The following SETX variants were observed in gnomAD, a reference collection of about 807,000 sequenced individuals.
SETX encodes the protein helicase senataxin.
Under a neutral mutation model 227.2 loss-of-function variants are expected in SETX, and 90 were observed. That is an observed-to-expected ratio of 0.40 (90% CI 0.33 to 0.47). SETX has a LOEUF of 0.47. Ranked by LOEUF, SETX falls within the 20% of genes least tolerant of loss-of-function variation. The pLI, the probability that SETX is intolerant of heterozygous loss-of-function variation, is 0.91. For synonymous variants in SETX, 1,210 were observed against 1,113.2 expected (o/e 1.09, Z -1.73); for missense variants, 3,052 against 3,181.5 (o/e 0.96, Z 0.98).
chr9:132,287,301 T>C (rs921423152), intron 17 of SETX, among the ~76,000 whole-genome samples: 3 of 152,046 alleles, frequency 2.0e-5, no homozygotes, highest in Non-Finnish European at 4.4e-5. Context: ...CTGGGCAACA[T>C]GGCAAGACCC....
rs144133910 is a variant in SETX at position 132,338,248 on chromosome 9, C to T, written c.499-1733G>A. Among the ~76,000 whole-genome samples, 71 of 152,072 alleles carry T rather than the reference C, an allele frequency of 4.7e-4. No individual in the cohort carries two copies. In the East Asian group the frequency reaches 5.4e-3, roughly 12 times the overall value. On this transcript the variant is annotated intron_variant, in intron 5 of 25. Coordinates refer to ENST00000224140, the MANE Select transcript of SETX (RefSeq NM_015046.7). ...CTGGGATTACAAGGGTGCACCACCA[C>T]GCCCGGCTAACTTTTGTTATTTTTA...
chr9:132,275,179 C>T, intron 23 of SETX, 77 bp downstream of exon 23: 3 of 1,499,458 alleles, frequency 2.0e-6, no homozygotes, highest in Non-Finnish European at 2.8e-6. Context: ...TTAAGAGTTT[C>T]CCTTTTCTTC....
chr9:132,325,476 C>G (rs1430110964), intron 10 of SETX, among the ~76,000 whole-genome samples: 1 of 152,250 alleles, frequency 6.6e-6, no homozygotes, highest in African/African-American at 2.4e-5. Context: ...AAGAAAACTA[C>G]AGCAGAGGTC....
chr9:132,296,829 CAAGTA>C (rs1844699886), intron 14 of SETX, 53 bp downstream of exon 14: 2 of 1,503,766 alleles, frequency 1.3e-6, no homozygotes, highest in Non-Finnish European at 1.9e-6. Context: ...TCAGTTAACT[CAAGTA>C]AAGTAAAATG....
Position 132,269,791 on chromosome 9 carries a change from T to C in SETX, c.7200-89A>G, listed in dbSNP as rs1842807017. 8 of 1,279,192 alleles carry C rather than the reference T, an allele frequency of 6.3e-6. No individual in the cohort carries two copies. The East Asian group carries it at 1.9e-4, about 30-fold the overall frequency. 79.2% of individuals were successfully genotyped at this position (1,279,192 alleles called of 1,614,324 possible). A position where few individuals can be genotyped will look rare whatever the true frequency, so the allele number is the denominator to read the frequency against. ...AGGTGGACTCTAGAATGACTCAACG[T>C]GCCCGTGTCTGACAGAGGTGGAATC... On this transcript the variant is annotated intron_variant, in intron 24 of 25. Transcript: ENST00000224140.
chr9:132,292,114 T>C (rs115066066), intron 15 of SETX, among the ~76,000 whole-genome samples: 103 of 152,236 alleles, frequency 6.8e-4, no homozygotes, highest in African/African-American at 2.4e-3. Context: ...CCCCTAAGCC[T>C]GTGTCACATG....
chr9:132,337,434 CT>C (rs201473147), intron 5 of SETX, among the ~76,000 whole-genome samples: 22 of 7,004 alleles, frequency 3.1e-3, no homozygotes, highest in Non-Finnish European at 4.6e-3. Context: ...CACAACCAAC[CT>C]TAAAAAAAAA....
At chr9:132,313,402 T>C (rs1176629410) in intron 10 of SETX, among the ~76,000 whole-genome samples, 2 of 152,140 alleles carry the variant, frequency 1.3e-5, no homozygotes, top group African/African-American at 4.8e-5. Context: ...TTGAAATTAT[T>C]TGGGCCTAAT....
chr9:132,326,419 G>C lies in SETX; in HGVS notation c.5179C>G (p.Gln1727Glu). Residue 1727 changes from glutamine (Q) to glutamate (E), a missense_variant, in exon 10 of 26, where the codon CAG (glutamine) becomes GAG (glutamate). Physicochemically the swap from Gln to Glu is conservative, Grantham distance 29. Around this residue, in one of 10 missense-constraint regions of SETX, gnomAD observed 239 missense variants for 272.1 expected, o/e 0.88. Coordinates refer to ENST00000224140, the MANE Select transcript of SETX (RefSeq NM_015046.7). ...GQCGPPASLC[Q>E]SISRPVPVRF... ...ACAGGCACAGGTCTTGAGATGGACTGACAAAGACTTGCAGGGGGCCCACAC... is the reference window on the plus strand; with the variant it reads ...ACAGGCACAGGTCTTGAGATGGACTCACAAAGACTTGCAGGGGGCCCACAC... The C allele has an allele frequency of 6.2e-7, 1 of 1,614,068 alleles. No individual in the cohort carries two copies.
intron 25 of SETX, 125 bp from the exon 26 acceptor site, chr9:132,265,110 C>T (rs1284545427): frequency 1.8e-6 from 2 of 1,139,760 alleles, no homozygotes; most frequent in African/African-American, 3.1e-5. Context: ...TCTCAAGATT[C>T]ATTACTCGTC....
intron 7 of SETX, among the ~76,000 whole-genome samples, chr9:132,331,813 T>C (rs1025753608): frequency 6.6e-5 from 10 of 152,102 alleles, no homozygotes; most frequent in Admixed American, 1.3e-4. Flanking sequence ...TGCCAAAACT[T>C]TGTAGTCCCA....
At chr9:132,302,064 C>T (rs1589680819) in intron 11 of SETX, among the ~76,000 whole-genome samples, 1 of 152,290 alleles carries the variant, frequency 6.6e-6, no homozygotes, top group Non-Finnish European at 1.5e-5. Context: ...AGTAAAAATA[C>T]CAGCAGATGG....
In SETX at chr9:132,329,065, G is replaced by T; in HGVS notation, c.2533C>A (p.Pro845Thr). ...TTCTTATCATCCAGAACACCACTAG[G>T]GTCTAAAGAAAGATTGTGTATGAAA... is the stretch of plus-strand genomic sequence containing the variant. ...DGFIHNLSLD[P>T]SGVLDDKNGE... The change falls in exon 10 of 26, where the codon CCT (proline) becomes ACT (threonine). Residue 845 changes from proline to threonine, a missense_variant. By Grantham distance (38) the Pro-to-Thr change is conservative (BLOSUM62 -1). This residue lies in a region of SETX where 1,483 missense variants were observed against 1,312.0 expected (regional missense o/e 1.13). Coordinates refer to ENST00000224140, the MANE Select transcript of SETX (RefSeq NM_015046.7). 2 of 1,609,534 alleles carry T rather than the reference G, an allele frequency of 1.2e-6. No individual in the cohort carries two copies. Among genetic ancestry groups the T allele is most frequent in the South Asian group, 1.1e-5 (1 of 90,748 alleles).
At chr9:132,312,645 C>T (rs761296938) in intron 10 of SETX, among the ~76,000 whole-genome samples, 3 of 152,114 alleles carry the variant, frequency 2.0e-5, no homozygotes, top group East Asian at 1.9e-4. Context: ...AAGGGTTATG[C>T]TATGGACAGG....
At chr9:132,316,469 T>C (rs185998662) in intron 10 of SETX, among the ~76,000 whole-genome samples, 46 of 152,322 alleles carry the variant, frequency 3.0e-4, no homozygotes, top group African/African-American at 1.1e-3. Flanking sequence ...TTAATATTCA[T>C]TAATCCATTA....
At chr9:132,268,768 T>C (rs994911479) in intron 25 of SETX, among the ~76,000 whole-genome samples, 2 of 152,210 alleles carry the variant, frequency 1.3e-5, no homozygotes, top group Admixed American at 1.3e-4. Context: ...TATTTAAACT[T>C]ACAAAGATTT....
In SETX at chr9:132,327,518, T is replaced by C; in HGVS notation, c.4080A>G (p.Lys1360=). Residue 1360 remains lysine, a synonymous_variant, in exon 10 of 26, where the codon AAA becomes AAG. Transcript: ENST00000224140. ...MQRQIRPKSQ[K]NRRRLSDCES... ...CACAATCAGAAAGTCTTCGTCTATT[T>C]TTTTGTGATTTGGGTCTGATCTGCC... The C allele has an allele frequency of 6.2e-7, 1 of 1,614,106 alleles. No individual in the cohort carries two copies. The highest frequency in any genetic ancestry group is 8.5e-7 in the Non-Finnish European group (1 of 1,180,042).
At chr9:132,347,076 G>C (rs1002825765) in intron 3 of SETX, among the ~76,000 whole-genome samples, 3 of 151,852 alleles carry the variant, frequency 2.0e-5, no homozygotes, top group African/African-American at 7.3e-5. Context: ...CCAACACGGA[G>C]GAACCTCGTC....
intron 10 of SETX, among the ~76,000 whole-genome samples, chr9:132,317,348 C>A (rs1260423490): frequency 6.6e-6 from 1 of 152,134 alleles, no homozygotes; most frequent in Non-Finnish European, 1.5e-5. Flanking sequence ...CGTGTCTCCT[C>A]CAATTATTTC....
Sources: gnomAD v4.1 joint callset for allele counts (sites outside exome capture counted in the v4.1 genomes callset) on GRCh38, gnomAD v4.1.1 for gene constraint, gnomAD v4.1.1 regional missense constraint, MANE v1.5 for transcripts, NCBI Gene and HGNC (gene_info 2026-07-23, HGNC 2026-07-21) for gene names.